SMARCA5: variants seen among roughly 807,000 people sequenced by gnomAD.
SMARCA5 encodes the protein SWI/SNF-related matrix-associated actin-dependent regulator of chromatin subfamily A member 5.
A neutral mutation model predicts 140.4 loss-of-function variants in SMARCA5; 18 were observed. The ratio of observed to expected loss-of-function variants is 0.13; its 90% CI spans 0.09 to 0.19. The LOEUF is 0.19. Among genes scored for constraint, SMARCA5 ranks in the 10% least tolerant of loss-of-function variants. The pLI is 1.00. For missense variants in SMARCA5, 606 were observed against 1,276.8 expected, an observed-to-expected ratio of 0.47 and a Z score of 8.01; for synonymous variants, 449 against 419.6, an observed-to-expected ratio of 1.07 and a Z score of -0.86.
intron 23 of SMARCA5, among the ~76,000 whole-genome samples, chr4:143,551,079 C>T (rs1737631745): frequency 6.6e-6 from 1 of 151,886 alleles, no homozygotes; most frequent in African/African-American, 2.4e-5. Context: ...TTGTTATTGC[C>T]TGACTTTTGG....
In SMARCA5 at chr4:143,556,026, A is replaced by G. The variant is rs1325271060; in HGVS notation, c.*2842A>G. Reference sequence around the variant, plus strand: ...GTTGAGAGAAGCAAATCCTAAGCATAGAGTACAAGTTGAGCATCCCTAATC... The same window carrying G: ...GTTGAGAGAAGCAAATCCTAAGCATGGAGTACAAGTTGAGCATCCCTAATC... On this transcript the variant is annotated 3_prime_UTR_variant, in exon 24 of 24. Coordinates refer to ENST00000283131, the MANE Select transcript of SMARCA5 (RefSeq NM_003601.4). 4 of 152,226 alleles carry G rather than the reference A, an allele frequency of 2.6e-5. No individual in the cohort carries two copies. The highest frequency in any genetic ancestry group is 9.7e-5 in the African/African-American group (4 of 41,448). The allele number at this position is 152,226 out of a possible 1,614,324, so 9.4% of individuals were successfully genotyped here.
At chr4:143,551,793 C>T (rs1272187474) in intron 23 of SMARCA5, among the ~76,000 whole-genome samples, 1 of 152,076 alleles carries the variant, frequency 6.6e-6, no homozygotes, top group African/African-American at 2.4e-5. Context: ...TATACCAGCA[C>T]CATGCTGTTT....
chr4:143,537,050 T>C (rs1737322254), intron 11 of SMARCA5, among the ~76,000 whole-genome samples: 1 of 152,182 alleles, frequency 6.6e-6, no homozygotes, highest in Middle Eastern at 3.2e-3. Context: ...TTTTAATTAT[T>C]TATGTGGAGT....
Position 143,555,082 on chromosome 4 carries a change from T to C in SMARCA5, c.*1898T>C. The C allele has an allele frequency of 3.2e-6, 2 of 617,694 alleles. No homozygotes were observed. Among genetic ancestry groups the C allele is most frequent in the Non-Finnish European group, 6.0e-6 (2 of 331,562 alleles). The allele number at this position is 617,694 out of a possible 1,614,324, so 38.3% of individuals were successfully genotyped here. A position where few individuals can be genotyped will look rare whatever the true frequency, so the allele number is the denominator to read the frequency against. ...CTAAGCTTTTGTTTCCTGGCAGTAA[T>C]TAAAATCTTCTGTCAGTGCCACAGC... is the stretch of plus-strand genomic sequence containing the variant. On this transcript the variant is annotated 3_prime_UTR_variant, in exon 24 of 24. Transcript: ENST00000283131.
At chr4:143,539,183 G>A (rs1008344579) in intron 13 of SMARCA5, among the ~76,000 whole-genome samples, 1 of 152,160 alleles carries the variant, frequency 6.6e-6, no homozygotes, top group East Asian at 1.9e-4. Flanking sequence ...AGGGGGAAAC[G>A]ATAGAGTTGG....
At chr4:143,517,919 C>T (rs1052117497) in intron 2 of SMARCA5, among the ~76,000 whole-genome samples, 1 of 152,070 alleles carries the variant, frequency 6.6e-6, no homozygotes, top group Non-Finnish European at 1.5e-5. Context: ...ACTATAACTT[C>T]CATATCTTAT....
chr4:143,529,240 CT>C (rs1737134110), intron 8 of SMARCA5, among the ~76,000 whole-genome samples: 1 of 152,140 alleles, frequency 6.6e-6, no homozygotes, highest in African/African-American at 2.4e-5. Flanking sequence ...AGGCCTCAGT[CT>C]TCTTTAAATC....
intron 2 of SMARCA5, among the ~76,000 whole-genome samples, chr4:143,519,030 C>T (rs1299929774): frequency 6.6e-6 from 1 of 151,990 alleles, no homozygotes; most frequent in Non-Finnish European, 1.5e-5. Flanking sequence ...TTCCTTTGTC[C>T]TTCCTTATTA....
intron 14 of SMARCA5, among the ~76,000 whole-genome samples, chr4:143,542,873 G>A (rs934473583): frequency 6.6e-6 from 1 of 152,142 alleles, no homozygotes; most frequent in Non-Finnish European, 1.5e-5. Flanking sequence ...CTAGCTACTT[G>A]GGAAGCTGAG....
intron 2 of SMARCA5, 34 bp from the exon 3 acceptor site, chr4:143,521,395 C>T (rs1736956207): frequency 6.6e-6 from 10 of 1,505,856 alleles, no homozygotes; most frequent in Non-Finnish European, 9.1e-6. Context: ...AATTGATACT[C>T]TGATAAAATG....
chr4:143,517,393 A>G lies in SMARCA5; in HGVS notation c.216A>G (p.Glu72=). The change falls in exon 2 of 24, where the codon GAA becomes GAG. Residue 72 remains glutamate, a synonymous_variant. Transcript: ENST00000283131. Reference sequence around the variant, plus strand: ...ATGCGTCACCTGGAAAGCAAAAGGAAATCCAAGAACCAGATCCTACCTATG... The same window carrying G: ...ATGCGTCACCTGGAAAGCAAAAGGAGATCCAAGAACCAGATCCTACCTATG... The part of the protein sequence containing the change: ...FDDASPGKQK[E]IQEPDPTYEE... 1 of 1,610,958 alleles carries G rather than the reference A, an allele frequency of 6.2e-7. No individual in the cohort carries two copies. Among genetic ancestry groups the G allele is most frequent in the Non-Finnish European group, 8.5e-7 (1 of 1,178,222 alleles).
chr4:143,547,737 G>C (rs1481748082), intron 21 of SMARCA5, among the ~76,000 whole-genome samples, 191 bp from the exon 22 acceptor site: 1 of 151,986 alleles, frequency 6.6e-6, no homozygotes, highest in African/African-American at 2.4e-5. Context: ...GTCTTAGTCT[G>C]TATTTCTCTT....
chr4:143,522,117 C>T (rs528208187), intron 3 of SMARCA5, among the ~76,000 whole-genome samples: 50 of 152,200 alleles, frequency 3.3e-4, no homozygotes, highest in Middle Eastern at 6.8e-3. Flanking sequence ...CTCTAGGCTC[C>T]TCCATCACAT....
chr4:143,537,137 G>T (rs1055130876), intron 11 of SMARCA5, among the ~76,000 whole-genome samples: 1 of 152,148 alleles, frequency 6.6e-6, no homozygotes, highest in Admixed American at 6.6e-5. Context: ...TTATGAAAAT[G>T]GGTATGTCTG....
intron 15 of SMARCA5, 31 bp downstream of exon 15, chr4:143,543,688 A>G (rs561083496): frequency 4.5e-6 from 7 of 1,572,362 alleles, no homozygotes; most frequent in Admixed American, 3.5e-5. Context: ...TGCTTTTAAT[A>G]TAGAATGTTT....
chr4:143,540,350 G>T lies in SMARCA5; in HGVS notation c.1771-13G>T, dbSNP rs534449541. ...TTTAAACTAAATTCAAAATAACATG[G>T]TAATTTATTTAGGACCGAGCACATA... On this transcript the variant is annotated splice_polypyrimidine_tract_variant and intron_variant, in intron 13 of 23. Coordinates refer to ENST00000283131, the MANE Select transcript of SMARCA5 (RefSeq NM_003601.4). 7.0e-6 allele frequency: 11 copies of T among 1,565,044 alleles called. No homozygotes were observed. In the East Asian group the frequency reaches 1.6e-4, roughly 23 times the overall value.
Position 143,538,875 on chromosome 4 carries a change from G to C in SMARCA5, c.1707G>C (p.Ala569=). Residue 569 remains alanine (A), a synonymous_variant, in exon 13 of 24, where the codon GCG becomes GCC. Transcript: ENST00000283131. ...TRAGGLGINL[A]TADVVILYDS... The stretch of plus-strand genomic sequence containing the variant: ...CTGGTGGTCTTGGCATCAATCTTGC[G>C]ACTGCTGATGTAGTAATTTTGTATG... 6.2e-7 allele frequency: 1 copy of C among 1,613,998 alleles called. No individual in the cohort carries two copies. The highest frequency in any genetic ancestry group is 8.5e-7 in the Non-Finnish European group (1 of 1,179,950).
At chr4:143,516,828 CATTT>C (rs1736851416) in intron 1 of SMARCA5, among the ~76,000 whole-genome samples, 1 of 152,006 alleles carries the variant, frequency 6.6e-6, no homozygotes, top group South Asian at 2.1e-4. Flanking sequence ...GCAAGAATAA[CATTT>C]ATTACTAGTT....
At chr4:143,547,708 T>TA (rs1329759139) in intron 21 of SMARCA5, among the ~76,000 whole-genome samples, 2 of 152,084 alleles carry the variant, frequency 1.3e-5, no homozygotes, top group Non-Finnish European at 2.9e-5. Flanking sequence ...ATTAGCTTTT[T>TA]ACTAAGTAGA....
Sources: gnomAD v4.1 joint callset for allele counts (sites outside exome capture counted in the v4.1 genomes callset) on GRCh38, gnomAD v4.1.1 for gene constraint, MANE v1.5 for transcripts, NCBI Gene and HGNC (gene_info 2026-07-23, HGNC 2026-07-21) for gene names.